The following CALCRL variants were observed in gnomAD, a reference collection of about 807,000 sequenced individuals.
CALCRL encodes calcitonin gene-related peptide type 1 receptor.
CALCRL carries 27 observed loss-of-function variants against 60.4 expected under a neutral mutation model. The ratio of observed to expected loss-of-function variants is 0.45; its 90% CI spans 0.33 to 0.62. The LOEUF is 0.62. Ranked by LOEUF, CALCRL falls within the 20% of genes least tolerant of loss-of-function variation. CALCRL has a pLI of 0.03. For missense variants in CALCRL, 424 were observed against 540.7 expected, an observed-to-expected ratio of 0.78 and a Z score of 2.14; for synonymous variants, 190 against 182.6, an observed-to-expected ratio of 1.04 and a Z score of -0.33.
intron 8 of CALCRL, among the ~76,000 whole-genome samples, chr2:187,376,275 C>T (rs1197012705): frequency 6.6e-6 from 1 of 151,694 alleles, no homozygotes; most frequent in African/African-American, 2.4e-5. Context: ...CTATTTTTTT[C>T]TCTGTTTATT....
At chr2:187,420,475 AT>A (rs922552594) in intron 1 of CALCRL, among the ~76,000 whole-genome samples, 2 of 151,904 alleles carry the variant, frequency 1.3e-5, no homozygotes, top group East Asian at 1.9e-4. Flanking sequence ...AAAGAAAAAA[AT>A]TTTTTTTAAG....
rs561359733 is a variant in CALCRL at position 187,377,844 on chromosome 2, AAT to A, written c.500+1094_500+1095del. ...GCTAATGATAAAATGCTGTTATAAAAATAGTTAAAATATTTTAAATACTATAA... is the reference window on the plus strand; with the variant it reads ...GCTAATGATAAAATGCTGTTATAAAAAGTTAAAATATTTTAAATACTATAA... On this transcript the variant is annotated intron_variant, in intron 8 of 14. Coordinates refer to ENST00000392370, the MANE Select transcript of CALCRL (RefSeq NM_005795.6). Among the ~76,000 whole-genome samples the A allele has an allele frequency of 3.0e-3, 450 of 152,254 alleles. 1 individual carries two copies. The highest frequency in any genetic ancestry group is 0.01 in the African/African-American group (420 of 41,566).
chr2:187,438,955 G>A (rs1690770975), intron 1 of CALCRL, among the ~76,000 whole-genome samples: 1 of 152,084 alleles, frequency 6.6e-6, no homozygotes. Flanking sequence ...TTTTACTCTG[G>A]CATCTCTTGA....
At chr2:187,409,976 G>A (rs1467587846) in intron 1 of CALCRL, among the ~76,000 whole-genome samples, 1 of 152,144 alleles carries the variant, frequency 6.6e-6, no homozygotes, top group Non-Finnish European at 1.5e-5. Flanking sequence ...ACTAAGCAGG[G>A]AGTTTGATGA....
intron 8 of CALCRL, among the ~76,000 whole-genome samples, chr2:187,369,826 T>C (rs549839821): frequency 1.3e-5 from 2 of 152,254 alleles, no homozygotes; most frequent in South Asian, 2.1e-4. Context: ...TAACATACAG[T>C]TGAAACAAGA....
At chr2:187,372,557 T>G (rs540315768) in intron 8 of CALCRL, among the ~76,000 whole-genome samples, 1 of 152,298 alleles carries the variant, frequency 6.6e-6, no homozygotes, top group East Asian at 1.9e-4. Flanking sequence ...ATTTAAAGAA[T>G]GGATGAGTGG....
chr2:187,380,645 A>G, intron 6 of CALCRL, 32 bp downstream of exon 6: 1 of 1,587,004 alleles, frequency 6.3e-7, no homozygotes, highest in East Asian at 2.2e-5. Context: ...AATAGATGTC[A>G]AGGAGATATG....
At chr2:187,430,043 G>T (rs960910706) in intron 1 of CALCRL, among the ~76,000 whole-genome samples, 2 of 151,932 alleles carry the variant, frequency 1.3e-5, no homozygotes, top group South Asian at 2.1e-4. Context: ...GCAAACTTTG[G>T]GCCTTTTGAA....
intron 1 of CALCRL, among the ~76,000 whole-genome samples, chr2:187,407,576 G>A (rs909904491): frequency 6.6e-6 from 1 of 151,710 alleles, no homozygotes; most frequent in Admixed American, 6.6e-5. Flanking sequence ...GTGCATTTTC[G>A]CCTATTAATC....
intron 8 of CALCRL, 75 bp from the exon 9 acceptor site, chr2:187,363,577 T>C: frequency 1.5e-6 from 2 of 1,372,118 alleles, no homozygotes; most frequent in Non-Finnish European, 2.0e-6. Context: ...ATAAGATACA[T>C]TCCCAATTCA....
chr2:187,398,556 T>C (rs918729536), intron 1 of CALCRL, among the ~76,000 whole-genome samples: 2 of 151,538 alleles, frequency 1.3e-5, no homozygotes, highest in African/African-American at 4.8e-5. Flanking sequence ...TTTTTCCCTA[T>C]AGAGAATCCA....
At chr2:187,442,749 T>C (rs565018962) in intron 1 of CALCRL, among the ~76,000 whole-genome samples, 7 of 152,108 alleles carry the variant, frequency 4.6e-5, no homozygotes, top group Non-Finnish European at 7.4e-5. Flanking sequence ...ATCTCTACTG[T>C]AGTATAGTCA....
At chr2:187,358,060 T>TTTAC (rs1480866352) in intron 12 of CALCRL, among the ~76,000 whole-genome samples, 1 of 152,100 alleles carries the variant, frequency 6.6e-6, no homozygotes, top group African/African-American at 2.4e-5. Context: ...TTTGTATTAA[T>TTTAC]TTACTTTCTC....
At chr2:187,348,595 A>G (rs978763437) in intron 14 of CALCRL, among the ~76,000 whole-genome samples, 4 of 151,658 alleles carry the variant, frequency 2.6e-5, no homozygotes, top group Admixed American at 6.6e-5. Context: ...TAAAATATCT[A>G]CTTTGATTAA....
intron 1 of CALCRL, among the ~76,000 whole-genome samples, chr2:187,397,375 A>T (rs1015221047): frequency 4.0e-5 from 6 of 151,568 alleles, no homozygotes; most frequent in Admixed American, 6.6e-5. Flanking sequence ...ATAGGATATC[A>T]ATCTAGTTAA....
intron 1 of CALCRL, among the ~76,000 whole-genome samples, chr2:187,414,433 G>A (rs1333817356): frequency 6.6e-6 from 1 of 152,016 alleles, no homozygotes; most frequent in Non-Finnish European, 1.5e-5. Context: ...TCACTCACAC[G>A]TCTTAATGTA....
At chr2:187,415,735 G>T in intron 1 of CALCRL, 2 of 523,414 alleles carry the variant, frequency 3.8e-6, no homozygotes, top group Admixed American at 5.2e-5. Flanking sequence ...CAGTGAGGGG[G>T]CTGGCATTGC....
chr2:187,384,994 A>AT (rs1231000940), intron 4 of CALCRL, among the ~76,000 whole-genome samples: 1 of 152,128 alleles, frequency 6.6e-6, no homozygotes, highest in African/African-American at 2.4e-5. Context: ...CCATATCCCC[A>AT]TTGTATACAT....
At chr2:187,385,758 A>G (rs1456002625) in intron 3 of CALCRL, 127 bp from the exon 4 acceptor site, 3 of 624,428 alleles carry the variant, frequency 4.8e-6, no homozygotes, top group Non-Finnish European at 8.2e-6. Flanking sequence ...GATTTGATAA[A>G]TCATTTTTTT....
Sources: gnomAD v4.1 joint callset for allele counts (sites outside exome capture counted in the v4.1 genomes callset) on GRCh38, gnomAD v4.1.1 for gene constraint, MANE v1.5 for transcripts, NCBI Gene and HGNC (gene_info 2026-07-23, HGNC 2026-07-21) for gene names.